The following MIGA1 variants were observed in gnomAD, a reference collection of about 807,000 sequenced individuals.
MIGA1 encodes the protein family with sequence similarity 73, member A.
A neutral mutation model predicts 82.0 loss-of-function variants in MIGA1; 58 were observed. That is an observed-to-expected ratio of 0.71 (90% CI 0.57 to 0.88). The LOEUF (loss-of-function observed/expected upper bound fraction) is 0.88, where lower values mean the gene tolerates loss of function less well. Ranked by LOEUF, MIGA1 falls within the 40% of genes least tolerant of loss-of-function variation. The probability of loss-of-function intolerance (pLI) is 0.00; values close to 1 mark genes in which losing one functional copy is unlikely to be tolerated. For missense variants in MIGA1, 751 were observed against 749.1 expected, an observed-to-expected ratio of 1.00 and a Z score of -0.03; for synonymous variants, 249 against 253.6, an observed-to-expected ratio of 0.98 and a Z score of 0.17.
chr1:77,792,929 C>G (rs1682491267), intron 2 of MIGA1, among the ~76,000 whole-genome samples: 1 of 151,610 alleles, frequency 6.6e-6, no homozygotes, highest in African/African-American at 2.4e-5. Flanking sequence ...GCTGAGATTA[C>G]AGGCATGCAG....
chr1:77,802,446 G>A lies in MIGA1; in HGVS notation c.374-824G>A, dbSNP rs76310184. Among the ~76,000 whole-genome samples, 424 of 152,106 alleles carry A rather than the reference G, an allele frequency of 2.8e-3. 1 individual carries two copies. Among genetic ancestry groups the A allele is most frequent in the Non-Finnish European group, 4.4e-3 (298 of 67,992 alleles). ...CAAGGTCATATAATTTATAAGTGCCGGGATTTGAATCCAGGAACATCTTAA... is the reference window on the plus strand; with the variant it reads ...CAAGGTCATATAATTTATAAGTGCCAGGATTTGAATCCAGGAACATCTTAA... On this transcript the variant is annotated intron_variant, in intron 3 of 15. Transcript: ENST00000370791.
chr1:77,795,439 A>G (rs1463544931), intron 2 of MIGA1, among the ~76,000 whole-genome samples: 3 of 151,660 alleles, frequency 2.0e-5, no homozygotes, highest in East Asian at 1.9e-4. Flanking sequence ...GGCTCAAGCA[A>G]TCCCCCTACC....
Position 77,850,036 on chromosome 1 carries a change from A to C in MIGA1, c.996+6629A>C, listed in dbSNP as rs552321129. On this transcript the variant is annotated intron_variant, in intron 8 of 15. Transcript: ENST00000370791. The stretch of plus-strand genomic sequence containing the variant: ...GGCAACAGAGTGAGACTCTCTCTCA[A>C]AAAAAAAAAAAAAAAAGTATGAAGG... Among the ~76,000 whole-genome samples the C allele has an allele frequency of 3.5e-3, 499 of 141,498 alleles. 3 individuals carry two copies. Among genetic ancestry groups the C allele is most frequent in the African/African-American group, 0.011 (444 of 39,882 alleles). The allele number at this position is 141,498 out of a possible 152,430, so 92.8% of individuals were successfully genotyped here.
intron 8 of MIGA1, chr1:77,853,608 A>G (rs1685138402): frequency 6.1e-6 from 1 of 165,136 alleles, no homozygotes; most frequent in African/African-American, 2.4e-5. Flanking sequence ...GAGCCTGGGA[A>G]GTTGAGGCTG....
chr1:77,855,577 T>C (rs1329304228), intron 8 of MIGA1, among the ~76,000 whole-genome samples: 16 of 152,130 alleles, frequency 1.1e-4, no homozygotes, highest in Non-Finnish European at 4.4e-5. Context: ...TCAGCAGTGT[T>C]TTGTAGTTTT....
At chr1:77,831,789 G>A (rs866568095) in intron 7 of MIGA1, among the ~76,000 whole-genome samples, 5 of 152,136 alleles carry the variant, frequency 3.3e-5, no homozygotes, top group African/African-American at 1.2e-4. Flanking sequence ...TGGATTTAAT[G>A]CCAGTTTAGA....
At chr1:77,839,448 G>A (rs1274799007) in intron 7 of MIGA1, among the ~76,000 whole-genome samples, 1 of 151,732 alleles carries the variant, frequency 6.6e-6, no homozygotes, top group Non-Finnish European at 1.5e-5. Context: ...ATGGCTCACT[G>A]CAGCCTTGAA....
At chr1:77,849,925 C>T (rs1486965211) in intron 8 of MIGA1, among the ~76,000 whole-genome samples, 7 of 151,622 alleles carry the variant, frequency 4.6e-5, no homozygotes, top group Admixed American at 1.3e-4. Flanking sequence ...ATCCCAGCTA[C>T]GTAGTAGGCT....
chr1:77,795,231 T>C (rs1165167773), intron 2 of MIGA1, among the ~76,000 whole-genome samples: 1 of 152,218 alleles, frequency 6.6e-6, no homozygotes, highest in East Asian at 1.9e-4. Context: ...CTCAAAGTGC[T>C]GGGATTTACA....
chr1:77,874,033 A>G (rs1462154006), intron 15 of MIGA1, among the ~76,000 whole-genome samples: 1 of 152,182 alleles, frequency 6.6e-6, no homozygotes, highest in Non-Finnish European at 1.5e-5. Flanking sequence ...GTTGATCGCT[A>G]ATGACCCTTT....
At position 77,875,449 on chromosome 1, in the gene MIGA1, C is replaced by T. The variant is rs1207737880; in HGVS notation, c.*385C>T. On this transcript the variant is annotated 3_prime_UTR_variant, in exon 16 of 16. Transcript: ENST00000370791. Reference sequence around the variant, plus strand: ...CACTTTAGCCAAGGTCTTTGTGGCCCACACATGCAAGAATATATTACTTCT... The same window carrying T: ...CACTTTAGCCAAGGTCTTTGTGGCCTACACATGCAAGAATATATTACTTCT... 3 of 173,164 alleles carry T rather than the reference C, an allele frequency of 1.7e-5. No homozygotes were observed. In the South Asian group the frequency reaches 4.2e-4, roughly 24 times the overall value. 10.7% of individuals were successfully genotyped at this position (173,164 alleles called of 1,614,324 possible). A position where few individuals can be genotyped will look rare whatever the true frequency, so the allele number is the denominator to read the frequency against.
At chr1:77,850,432 A>AT (rs2101908775) in intron 8 of MIGA1, among the ~76,000 whole-genome samples, 1 of 152,344 alleles carries the variant, frequency 6.6e-6, no homozygotes, top group African/African-American at 2.4e-5. Flanking sequence ...TAAGGGATAC[A>AT]GATTGGTAAC....
intron 7 of MIGA1, among the ~76,000 whole-genome samples, chr1:77,836,950 G>C (rs1684457376): frequency 6.6e-6 from 1 of 152,064 alleles, no homozygotes; most frequent in Admixed American, 6.6e-5. Context: ...TACATAATTA[G>C]GCTATTCTTC....
intron 7 of MIGA1, among the ~76,000 whole-genome samples, chr1:77,827,757 T>G (rs952371970): frequency 2.6e-5 from 4 of 152,184 alleles, no homozygotes; most frequent in African/African-American, 9.6e-5. Flanking sequence ...GTTAATTGCA[T>G]GCAGGTTCTC....
intron 2 of MIGA1, among the ~76,000 whole-genome samples, chr1:77,794,227 A>G (rs993001921): frequency 4.6e-5 from 7 of 152,248 alleles, no homozygotes; most frequent in African/African-American, 1.7e-4. Context: ...ACTAAGATTA[A>G]CATTGTAATC....
At chr1:77,844,486 G>A (rs2101894402) in intron 8 of MIGA1, among the ~76,000 whole-genome samples, 1 of 152,090 alleles carries the variant, frequency 6.6e-6, no homozygotes, top group East Asian at 1.9e-4. Flanking sequence ...ATAAATCTGT[G>A]GATAATTTAT....
At chr1:77,795,216 G>A (rs534978197) in intron 2 of MIGA1, among the ~76,000 whole-genome samples, 50 of 152,096 alleles carry the variant, frequency 3.3e-4, no homozygotes, top group African/African-American at 1.1e-3. Context: ...CACCTGCCTC[G>A]GCCTCTCAAA....
intron 5 of MIGA1, chr1:77,810,713 G>A (rs1045939009): frequency 2.1e-6 from 2 of 972,236 alleles, no homozygotes; most frequent in Non-Finnish European, 1.5e-6. Context: ...GAATTCTGTG[G>A]TACAGCTTTG....
At position 77,876,496 on chromosome 1, in the gene MIGA1, G is replaced by C. The variant is rs1416185193; in HGVS notation, c.*1432G>C. 1 of 152,126 alleles carries C rather than the reference G, an allele frequency of 6.6e-6. No homozygotes were observed. Among genetic ancestry groups the C allele is most frequent in the Non-Finnish European group, 1.5e-5 (1 of 68,028 alleles). The allele number at this position is 152,126 out of a possible 1,614,324, so 9.4% of individuals were successfully genotyped here. On this transcript the variant is annotated 3_prime_UTR_variant, in exon 16 of 16. Coordinates refer to ENST00000370791, the MANE Select transcript of MIGA1 (RefSeq NM_198549.4). ...CCCTGGAATGAGTATTGATTAAAAA[G>C]ATAACATTTATTAATTAATAAAGGC...
Sources: allele counts gnomAD v4.1 joint callset (sites outside exome capture counted in the v4.1 genomes callset), GRCh38; gene constraint gnomAD v4.1.1; transcripts MANE v1.5; gene names NCBI Gene and HGNC (gene_info 2026-07-23, HGNC 2026-07-21).